CREBRF: variants seen among roughly 807,000 people sequenced by gnomAD.
The protein encoded by CREBRF is CREB3 regulatory factor.
CREBRF carries 5 observed loss-of-function variants against 66.1 expected under a neutral mutation model. The observed-to-expected ratio is 0.08, with a 90% CI of 0.04 to 0.16. The LOEUF is 0.16. CREBRF is among the 10% of genes least tolerant of loss of function. The pLI, the probability that CREBRF is intolerant of heterozygous loss-of-function variation, is 1.00. For synonymous variants in CREBRF, 229 were observed against 264.4 expected, an observed-to-expected ratio of 0.87 and a Z score of 1.30; for missense variants, 531 against 744.9, an observed-to-expected ratio of 0.71 and a Z score of 3.34.
chr5:173,108,042 G>C (rs1344700134), intron 4 of CREBRF, among the ~76,000 whole-genome samples: 1 of 151,416 alleles, frequency 6.6e-6, no homozygotes. Context: ...ATGTTGGCCA[G>C]GTTGGTCTCA....
At chr5:173,078,881 C>T (rs1757849239) in intron 1 of CREBRF, among the ~76,000 whole-genome samples, 1 of 152,094 alleles carries the variant, frequency 6.6e-6, no homozygotes, top group Admixed American at 6.6e-5. Flanking sequence ...AAACTTTTCT[C>T]CCAAATCCAG....
Position 173,056,540 on chromosome 5 carries a change from C to G in CREBRF, c.-192+61C>G, listed in dbSNP as rs566077522. 14 of 391,844 alleles carry G rather than the reference C, an allele frequency of 3.6e-5. 1 individual carries two copies. In the South Asian group the frequency reaches 1.8e-3, roughly 51 times the overall value. 24.3% of individuals were successfully genotyped at this position (391,844 alleles called of 1,614,324 possible). ...GGCCTGGGCTGGGGGAAGAGCGGAA[C>G]GGGGGGCGGAGGGCCGCTTGCCTAG... is the stretch of plus-strand genomic sequence containing the variant. On this transcript the variant is annotated intron_variant, in intron 1 of 8. Coordinates refer to ENST00000296953, the MANE Select transcript of CREBRF (RefSeq NM_153607.3).
intron 5 of CREBRF, 198 bp downstream of exon 5, chr5:173,109,016 A>C: frequency 1.9e-6 from 1 of 538,682 alleles, no homozygotes; most frequent in East Asian, 3.1e-5. Context: ...TCCTCACCTA[A>C]GTGGAGAGGA....
At chr5:173,074,751 T>G (rs1757710518) in intron 1 of CREBRF, among the ~76,000 whole-genome samples, 2 of 152,108 alleles carry the variant, frequency 1.3e-5, no homozygotes, top group South Asian at 4.2e-4. Flanking sequence ...GCTGCCCAAG[T>G]AGCTGGGACG....
chr5:173,092,770 A>G (rs1226447328), intron 4 of CREBRF, among the ~76,000 whole-genome samples: 1 of 152,182 alleles, frequency 6.6e-6, no homozygotes, highest in Non-Finnish European at 1.5e-5. Context: ...AAATCTTTCT[A>G]TTACACAAAT....
At chr5:173,107,862 C>G in intron 4 of CREBRF, among the ~76,000 whole-genome samples, 1 of 139,526 alleles carries the variant, frequency 7.2e-6, no homozygotes, top group East Asian at 2.1e-4. Flanking sequence ...GTGAGCGTCT[C>G]ATTCTGTTGC....
At chr5:173,082,151 C>T (rs1420384494) in intron 2 of CREBRF, among the ~76,000 whole-genome samples, 1 of 151,298 alleles carries the variant, frequency 6.6e-6, no homozygotes, top group Admixed American at 6.6e-5. Context: ...GTAGCTGGGA[C>T]TACAGGCGCC....
At chr5:173,079,031 A>G (rs1757853240) in intron 1 of CREBRF, among the ~76,000 whole-genome samples, 1 of 152,190 alleles carries the variant, frequency 6.6e-6, no homozygotes, top group Admixed American at 6.5e-5. Flanking sequence ...AATTAGGGCA[A>G]TGATTATGAC....
At chr5:173,130,323 G>C (rs1431302217) in intron 8 of CREBRF, among the ~76,000 whole-genome samples, 2 of 151,928 alleles carry the variant, frequency 1.3e-5, no homozygotes, top group East Asian at 3.8e-4. Context: ...ACTTTTGTTT[G>C]TATCCTCTGA....
intron 8 of CREBRF, among the ~76,000 whole-genome samples, chr5:173,128,165 A>G (rs1416023646): frequency 1.3e-5 from 2 of 151,970 alleles, no homozygotes. Flanking sequence ...ATAAGTTCTG[A>G]TTTGTCATTT....
intron 4 of CREBRF, chr5:173,092,149 A>G (rs898479198): frequency 1.1e-6 from 1 of 916,288 alleles, no homozygotes. Context: ...TATAGTTGAG[A>G]TAAGTTAGGA....
intron 2 of CREBRF, chr5:173,085,903 A>C: frequency 1.1e-6 from 1 of 894,278 alleles, no homozygotes; most frequent in Non-Finnish European, 1.9e-6. Context: ...GCAAGAAAGG[A>C]GTCTTTGGGA....
At position 173,091,190 on chromosome 5, in the gene CREBRF, T is replaced by C. The variant is rs371288500; in HGVS notation, c.1011T>C (p.Tyr337=). The C allele has an allele frequency of 9.3e-5, 150 of 1,614,188 alleles. 2 individuals carry two copies. Among genetic ancestry groups the C allele is most frequent in the East Asian group, 6.9e-4 (31 of 44,890 alleles). Residue 337 remains tyrosine (Y), a synonymous_variant, in exon 4 of 9, where the codon TAT becomes TAC. Coordinates refer to ENST00000296953, the MANE Select transcript of CREBRF (RefSeq NM_153607.3). Reference sequence around the variant, plus strand: ...CCCAGAAAAAAGAAGAGCACAATTATTCTCTTTTTGTCTCCGACAACTTGG... The same window carrying C: ...CCCAGAAAAAAGAAGAGCACAATTACTCTCTTTTTGTCTCCGACAACTTGG... ...DSSQKKEEHN[Y]SLFVSDNLGE... is the part of the protein sequence containing the mutation.
intron 8 of CREBRF, among the ~76,000 whole-genome samples, chr5:173,126,645 T>C (rs1341083796): frequency 6.6e-6 from 1 of 152,216 alleles, no homozygotes; most frequent in Non-Finnish European, 1.5e-5. Flanking sequence ...TACTTGCCAG[T>C]GGGTAACCTA....
chr5:173,116,900 A>G (rs186928897), intron 7 of CREBRF, among the ~76,000 whole-genome samples: 37 of 150,950 alleles, frequency 2.5e-4, no homozygotes, highest in Non-Finnish European at 3.9e-4. Flanking sequence ...GGCAAGGCCT[A>G]TATTCTTATT....
intron 4 of CREBRF, chr5:173,091,974 C>T: frequency 3.8e-6 from 1 of 265,194 alleles, no homozygotes; most frequent in South Asian, 1.4e-4. Flanking sequence ...CCAGCTACTC[C>T]AGAGGTTGAG....
chr5:173,122,868 G>T (rs374868567), intron 7 of CREBRF, among the ~76,000 whole-genome samples: 2 of 147,014 alleles, frequency 1.4e-5, no homozygotes, highest in Non-Finnish European at 3.0e-5. Context: ...TTGTCCTTGC[G>T]ATAGTTTACT....
chr5:173,064,246 A>G (rs1757368236), intron 1 of CREBRF, among the ~76,000 whole-genome samples: 1 of 152,210 alleles, frequency 6.6e-6, no homozygotes, highest in Non-Finnish European at 1.5e-5. Context: ...TTAAAGCATT[A>G]CAAAAATAAA....
chr5:173,090,702 A>G lies in CREBRF; in HGVS notation c.523A>G (p.Lys175Glu). 1 of 1,614,164 alleles carries G rather than the reference A, an allele frequency of 6.2e-7. No individual in the cohort carries two copies. The highest frequency in any genetic ancestry group is 1.1e-5 in the South Asian group (1 of 91,082). The part of the protein sequence containing the change: ...QNPLPSSFPG[K>E]KITSRAAAPV... ...TCCCTTACCCTCTTCATTCCCTGGT[A>G]AAAAGATCACAAGCAGAGCAGCTGC... Residue 175 changes from lysine (K) to glutamate (E), a missense_variant, in exon 4 of 9, where the codon AAA becomes GAA. Transcript: ENST00000296953. The surrounding 1 kb of genome is among the most constrained non-coding windows in gnomAD (Gnocchi z 4.5).
Sources: allele counts gnomAD v4.1 joint callset (sites outside exome capture counted in the v4.1 genomes callset), GRCh38; gene constraint gnomAD v4.1.1; non-coding constraint Gnocchi (gnomAD v3.1); transcripts MANE v1.5; gene names NCBI Gene and HGNC (gene_info 2026-07-23, HGNC 2026-07-21).